Variants in AFG1L observed in about 807,000 individuals in gnomAD.
AFG1L encodes the protein AFG1-like ATPase.
In AFG1L, 53 loss-of-function variants were observed where a neutral mutation model predicts 62.2. The observed-to-expected ratio is 0.85, with a 90% CI of 0.68 to 1.07. The LOEUF (loss-of-function observed/expected upper bound fraction) is 1.07. Ranked by LOEUF, AFG1L falls within the 50% of genes least tolerant of loss-of-function variation. The probability of loss-of-function intolerance (pLI) is 0.00; values close to 1 mark genes in which losing one functional copy is unlikely to be tolerated. For missense variants in AFG1L, 555 were observed against 590.5 expected, an observed-to-expected ratio of 0.94 and a Z score of 0.62; for synonymous variants, 228 against 210.3, an observed-to-expected ratio of 1.08 and a Z score of -0.73.
At chr6:108,362,278 AT>A (rs1472527716) in intron 5 of AFG1L, among the ~76,000 whole-genome samples, 3 of 151,658 alleles carry the variant, frequency 2.0e-5, no homozygotes, top group Non-Finnish European at 2.9e-5. Flanking sequence ...AATATGGTTG[AT>A]TTTTTTTCAT....
At chr6:108,385,189 A>T (rs1182939602) in intron 6 of AFG1L, among the ~76,000 whole-genome samples, 1 of 152,248 alleles carries the variant, frequency 6.6e-6, no homozygotes, top group Non-Finnish European at 1.5e-5. Flanking sequence ...TTAAATATAG[A>T]GGTTTTGGGA....
At chr6:108,454,235 T>C (rs1298263407) in intron 8 of AFG1L, among the ~76,000 whole-genome samples, 1 of 152,234 alleles carries the variant, frequency 6.6e-6, no homozygotes, top group Non-Finnish European at 1.5e-5. Context: ...GGAATAGTGA[T>C]GGTATCAGTG....
intron 10 of AFG1L, among the ~76,000 whole-genome samples, chr6:108,506,030 C>T (rs1774406802): frequency 6.6e-6 from 1 of 152,108 alleles, no homozygotes; most frequent in Admixed American, 6.5e-5. Context: ...TAAATGGGAG[C>T]ATATTGACCT....
At chr6:108,519,409 G>T (rs535260549) in intron 11 of AFG1L, among the ~76,000 whole-genome samples, 1 of 152,314 alleles carries the variant, frequency 6.6e-6, no homozygotes, top group African/African-American at 2.4e-5. Context: ...GAAGATCTGG[G>T]CTGACATCTT....
intron 3 of AFG1L, among the ~76,000 whole-genome samples, chr6:108,350,144 C>T (rs1485500354): frequency 4.3e-5 from 6 of 138,138 alleles, no homozygotes; most frequent in East Asian, 2.2e-4. Context: ...TGCAGTGAGC[C>T]GAGATCGCAC....
At chr6:108,434,726 G>A (rs1771230059) in intron 7 of AFG1L, among the ~76,000 whole-genome samples, 1 of 152,010 alleles carries the variant, frequency 6.6e-6, no homozygotes, top group Admixed American at 6.6e-5. Context: ...AGCTCTTTAC[G>A]ACATGAGCTC....
intron 8 of AFG1L, among the ~76,000 whole-genome samples, chr6:108,466,151 G>T (rs962511488): frequency 1.3e-5 from 2 of 152,174 alleles, no homozygotes; most frequent in African/African-American, 4.8e-5. Flanking sequence ...GATGGAAAAT[G>T]CCAAGTATTG....
chr6:108,304,747 C>CT (rs1777140115), intron 1 of AFG1L, among the ~76,000 whole-genome samples: 1 of 152,142 alleles, frequency 6.6e-6, no homozygotes, highest in South Asian at 2.1e-4. Context: ...AGCATGTGTT[C>CT]TTTTTGGCAA....
chr6:108,448,675 A>G (rs1448680912), intron 8 of AFG1L, among the ~76,000 whole-genome samples: 2 of 152,102 alleles, frequency 1.3e-5, no homozygotes, highest in Non-Finnish European at 2.9e-5. Context: ...TTTGTCTCTG[A>G]CTTACCCTGT....
At chr6:108,521,771 C>T (rs931615843) in intron 12 of AFG1L, 2 of 152,606 alleles carry the variant, frequency 1.3e-5, no homozygotes, top group African/African-American at 4.8e-5. Flanking sequence ...CCAATTTGGT[C>T]CTAGATGGTG....
chr6:108,385,860 C>T (rs1582487596), intron 6 of AFG1L, among the ~76,000 whole-genome samples: 1 of 152,178 alleles, frequency 6.6e-6, no homozygotes, highest in African/African-American at 2.4e-5. Flanking sequence ...CCTGTAATCC[C>T]AGTGCTTTGG....
intron 8 of AFG1L, among the ~76,000 whole-genome samples, chr6:108,476,265 A>C (rs1410921774): frequency 6.6e-6 from 1 of 152,232 alleles, no homozygotes; most frequent in Non-Finnish European, 1.5e-5. Context: ...TCACAGAAGG[A>C]GAGAGTTTTC....
chr6:108,452,302 A>G (rs1471393714), intron 8 of AFG1L, among the ~76,000 whole-genome samples: 1 of 152,186 alleles, frequency 6.6e-6, no homozygotes. Context: ...TGAAGGATCC[A>G]TGATATGCTT....
intron 2 of AFG1L, among the ~76,000 whole-genome samples, chr6:108,332,736 T>C (rs1778321541): frequency 1.3e-5 from 2 of 152,128 alleles, no homozygotes; most frequent in African/African-American, 4.8e-5. Context: ...GCCTCCCCAG[T>C]AGCAGGGACT....
At chr6:108,505,195 G>A (rs943951337) in intron 10 of AFG1L, among the ~76,000 whole-genome samples, 4 of 151,352 alleles carry the variant, frequency 2.6e-5, no homozygotes, top group Non-Finnish European at 5.9e-5. Context: ...CCAGGTTCAA[G>A]CGATTCTCCT....
intron 1 of AFG1L, among the ~76,000 whole-genome samples, chr6:108,300,469 G>A (rs935845600): frequency 6.6e-6 from 1 of 152,064 alleles, no homozygotes; most frequent in African/African-American, 2.4e-5. Context: ...AGGTATTAAT[G>A]TGAGTAGAAC....
At chr6:108,408,433 T>A (rs570479013) in intron 7 of AFG1L, among the ~76,000 whole-genome samples, 1 of 152,288 alleles carries the variant, frequency 6.6e-6, no homozygotes, top group African/African-American at 2.4e-5. Context: ...ACATTCCCTA[T>A]GCAGATATCT....
At chr6:108,377,433 G>A (rs1780296152) in intron 6 of AFG1L, among the ~76,000 whole-genome samples, 1 of 152,148 alleles carries the variant, frequency 6.6e-6, no homozygotes, top group Admixed American at 6.5e-5. Flanking sequence ...TTGTAAGGCT[G>A]CTCTAGTGGT....
intron 6 of AFG1L, among the ~76,000 whole-genome samples, chr6:108,375,225 T>C (rs1399955989): frequency 6.6e-6 from 1 of 152,200 alleles, no homozygotes; most frequent in Non-Finnish European, 1.5e-5. Flanking sequence ...CAGGAGACTT[T>C]TGATGGAGTC....
Sources: allele counts gnomAD v4.1 joint callset (sites outside exome capture counted in the v4.1 genomes callset), GRCh38; gene constraint gnomAD v4.1.1; transcripts MANE v1.5; gene names NCBI Gene and HGNC (gene_info 2026-07-23, HGNC 2026-07-21).